The following OR4K1 variants were observed in gnomAD, a reference collection of about 807,000 sequenced individuals.
OR4K1 encodes olfactory receptor family 4 subfamily K member 1, also known as olfactory receptor 4K1.
Under a neutral mutation model 14.4 loss-of-function variants are expected in OR4K1, and 16 were observed. The observed-to-expected ratio is 1.11, with a 90% confidence interval of 0.75 to 1.68. The LOEUF (loss-of-function observed/expected upper bound fraction) is 1.68, where lower values mean the gene tolerates loss of function less well. Among genes scored for constraint, OR4K1 ranks in the 40% most tolerant of loss-of-function variants. The pLI, the probability that OR4K1 is intolerant of heterozygous loss-of-function variation, is 0.00. For synonymous variants in OR4K1, 181 were observed against 133.1 expected (o/e 1.36, Z -2.48); for missense variants, 548 against 376.9 (o/e 1.45, Z -3.76).
At chr14:19,934,860 A>G (rs1004889007) in intron 1 of OR4K1, among the ~76,000 whole-genome samples, 3 of 152,156 alleles carry the variant, frequency 2.0e-5, no homozygotes, top group East Asian at 1.9e-4. Context: ...TTTAGTAGAG[A>G]CGGGGTTTCA....
At chr14:19,921,796 C>A in the OR4K1 span, 1 of 484,396 alleles carries the variant, frequency 2.1e-6, no homozygotes, top group Non-Finnish European at 3.5e-6. Context: ...AAAATATGGG[C>A]ACTAGATGGA....
upstream of OR4K1, among the ~76,000 whole-genome samples, chr14:19,930,395 A>G (rs1278518951): frequency 6.6e-6 from 1 of 152,230 alleles, no homozygotes; most frequent in Non-Finnish European, 1.5e-5. Context: ...AAGACTGTTG[A>G]TGTATTTTGG....
upstream of OR4K1, chr14:19,930,864 A>G (rs1369153426): frequency 1.3e-5 from 2 of 152,240 alleles, no homozygotes; most frequent in Non-Finnish European, 2.9e-5. Flanking sequence ...AATGAGGTTG[A>G]AAGGCTTTAT....
At chr14:19,921,044 G>T in the OR4K1 span, 7 of 1,614,198 alleles carry the variant, frequency 4.3e-6, no homozygotes, top group Non-Finnish European at 5.9e-6. Context: ...TCTTGGTAAT[G>T]ATCTCCTGGG....
the OR4K1 span, chr14:19,920,771 G>A: frequency 1.2e-6 from 2 of 1,614,144 alleles, no homozygotes; most frequent in African/African-American, 1.3e-5. Flanking sequence ...ATACCAGCCT[G>A]CACTCCCCTA....
At chr14:19,932,614 A>C (rs986193439) in intron 1 of OR4K1, among the ~76,000 whole-genome samples, 2 of 152,232 alleles carry the variant, frequency 1.3e-5, no homozygotes, top group Non-Finnish European at 2.9e-5. Context: ...CACTCATAAG[A>C]TTTAGCTTTG....
At chr14:19,925,058 A>G in the OR4K1 span, among the ~76,000 whole-genome samples, 1 of 152,338 alleles carries the variant, frequency 6.6e-6, no homozygotes, top group South Asian at 2.1e-4. Flanking sequence ...AGTATTAAAA[A>G]TTCTTTTTTT....
upstream of OR4K1, among the ~76,000 whole-genome samples, chr14:19,928,278 CTTAT>C (rs1443890510): frequency 1.3e-5 from 2 of 152,108 alleles, no homozygotes; most frequent in South Asian, 2.1e-4. Context: ...TATGATCTTG[CTTAT>C]TTATTTATTT....
At chr14:19,923,845 T>C in the OR4K1 span, among the ~76,000 whole-genome samples, 6 of 152,366 alleles carry the variant, frequency 3.9e-5, no homozygotes, top group African/African-American at 1.2e-4. Flanking sequence ...TTATTCTCCT[T>C]GTAGTAGCTA....
At chr14:19,925,197 T>C in the OR4K1 span, among the ~76,000 whole-genome samples, 1 of 152,222 alleles carries the variant, frequency 6.6e-6, no homozygotes, top group African/African-American at 2.4e-5. Flanking sequence ...CTCTAGTCAA[T>C]TGAAAAAGTG....
At chr14:19,923,006 C>T in the OR4K1 span, among the ~76,000 whole-genome samples, 3 of 152,230 alleles carry the variant, frequency 2.0e-5, no homozygotes, top group Non-Finnish European at 4.4e-5. Flanking sequence ...ATCATAAAGA[C>T]ATTATTTAGA....
At chr14:19,926,778 A>G (rs954010000), upstream of OR4K1, among the ~76,000 whole-genome samples, 3 of 152,386 alleles carry the variant, frequency 2.0e-5, no homozygotes, top group South Asian at 4.1e-4. Context: ...CAGAAATCCA[A>G]TGAAATGGAG....
chr14:19,924,975 TA>T, the OR4K1 span, among the ~76,000 whole-genome samples: 17 of 152,200 alleles, frequency 1.1e-4, no homozygotes, highest in African/African-American at 2.2e-4. Flanking sequence ...GAAAAATAAA[TA>T]AAAAAATAAA....
the OR4K1 span, among the ~76,000 whole-genome samples, chr14:19,923,706 G>C: frequency 2.0e-5 from 3 of 152,150 alleles, no homozygotes; most frequent in Non-Finnish European, 4.4e-5. Context: ...TTTAACAAAA[G>C]GTAGTAATGA....
chr14:19,927,135 T>C (rs115336572), upstream of OR4K1, among the ~76,000 whole-genome samples: 2,094 of 152,198 alleles, frequency 0.014, 37 homozygotes, highest in African/African-American at 0.049. Flanking sequence ...GAACAGATAG[T>C]CTAAATCCCT....
chr14:19,921,235 C>G, the OR4K1 span: 1 of 1,614,192 alleles, frequency 6.2e-7, no homozygotes, highest in South Asian at 1.1e-5. Context: ...TCCCTAAGCA[C>G]TTTCTCTCTC....
chr14:19,936,493 C>A lies in OR4K1; in HGVS notation c.827C>A (p.Thr276Asn). 6.2e-7 allele frequency: 1 copy of A among 1,613,922 alleles called. No homozygotes were observed. The highest frequency in any genetic ancestry group is 2.2e-5 in the East Asian group (1 of 44,884). The change falls in exon 2 of 2, where the codon ACT (threonine) becomes AAT (asparagine). Residue 276 changes from threonine (T) to asparagine (N), a missense_variant. Physicochemically the swap from Thr to Asn is moderately conservative, Grantham distance 65 (BLOSUM62 0). Coordinates refer to ENST00000641172, the MANE Select transcript of OR4K1 (RefSeq NM_001004063.3). ...GACAAATTTCTTTCTGTGTTCTACA[C>A]TGTTTGTACTCCCTTGTTGAACCCC... ...PVDKFLSVFY[T>N]VCTPLLNPII...
the OR4K1 span, chr14:19,921,222 C>T: frequency 6.2e-7 from 1 of 1,614,168 alleles, no homozygotes; most frequent in Non-Finnish European, 8.5e-7. Context: ...TAGTGGAATT[C>T]TTTCCCTAAG....
the OR4K1 span, among the ~76,000 whole-genome samples, chr14:19,925,867 G>A: frequency 6.6e-6 from 1 of 152,254 alleles, no homozygotes; most frequent in Non-Finnish European, 1.5e-5. Context: ...TTAGTCACAG[G>A]ACAAGGAGGA....
Sources: allele counts gnomAD v4.1 joint callset (sites outside exome capture counted in the v4.1 genomes callset), GRCh38; gene constraint gnomAD v4.1.1; transcripts MANE v1.5; gene names NCBI Gene and HGNC (gene_info 2026-07-23, HGNC 2026-07-21).